The following SMARCA5 variants were observed in gnomAD, a reference collection of about 807,000 sequenced individuals.
The protein encoded by SMARCA5 is SNF2 related chromatin remodeling ATPase 5.
A neutral mutation model predicts 140.4 loss-of-function variants in SMARCA5; 18 were observed. The observed-to-expected ratio is 0.13, with a 90% CI of 0.09 to 0.19. The LOEUF (loss-of-function observed/expected upper bound fraction) is 0.19. SMARCA5 is among the 10% of genes least tolerant of loss of function. SMARCA5 has a pLI of 1.00. For missense variants in SMARCA5, 606 were observed against 1,276.8 expected (o/e 0.47, Z 8.01); for synonymous variants, 449 against 419.6 (o/e 1.07, Z -0.86).
chr4:143,515,769 A>G, intron 1 of SMARCA5, among the ~76,000 whole-genome samples: 1 of 152,180 alleles, frequency 6.6e-6, no homozygotes, highest in Admixed American at 6.5e-5. Flanking sequence ...TCTACTAGGT[A>G]GAACCTGTAA....
Position 143,544,739 on chromosome 4 carries a change from T to A in SMARCA5, c.2175T>A (p.Ile725=). The A allele has an allele frequency of 6.3e-7, 1 of 1,579,914 alleles. No individual in the cohort carries two copies. The change falls in exon 17 of 24, where the codon ATT becomes ATA. Residue 725 remains isoleucine (I), a splice_region_variant and synonymous_variant. Coordinates refer to ENST00000283131, the MANE Select transcript of SMARCA5 (RefSeq NM_003601.4). Reference sequence around the variant, plus strand: ...TTGAGTTGTTTCCCATGTGCTAGATTGCATTCACAGAGTGGATTGAACCAC... The same window carrying A: ...TTGAGTTGTTTCCCATGTGCTAGATAGCATTCACAGAGTGGATTGAACCAC... ...EGEDYREKQK[I]AFTEWIEPPK... is the part of the protein sequence containing the mutation.
chr4:143,516,952 T>C (rs1440341750), intron 1 of SMARCA5, among the ~76,000 whole-genome samples: 1 of 152,240 alleles, frequency 6.6e-6, no homozygotes, highest in African/African-American at 2.4e-5. Flanking sequence ...TTTGTAGACA[T>C]TTGTGTGGTA....
At chr4:143,526,757 G>C (rs1277869796) in intron 6 of SMARCA5, among the ~76,000 whole-genome samples, 2 of 151,990 alleles carry the variant, frequency 1.3e-5, no homozygotes, top group Non-Finnish European at 2.9e-5. Context: ...CCAGCTACTT[G>C]GTAGGCTGAG....
chr4:143,550,332 T>C (rs1026216093), intron 23 of SMARCA5, among the ~76,000 whole-genome samples: 3 of 151,620 alleles, frequency 2.0e-5, no homozygotes, highest in African/African-American at 7.3e-5. Context: ...TTAGTTGTTA[T>C]GAGTAAGTAT....
Position 143,534,837 on chromosome 4 carries a change from ATT to A in SMARCA5, c.1159-14_1159-13del, listed in dbSNP as rs1230811850. On this transcript the variant is annotated splice_polypyrimidine_tract_variant and intron_variant, in intron 9 of 23. Transcript: ENST00000283131. ...TGTGTAATATTGGTATTACCTGTTT[ATT>A]TTTGTCCTTTTTAAGGTTTTGCGTC... 6.3e-7 allele frequency: 1 copy of A among 1,581,512 alleles called. No homozygotes were observed. Among genetic ancestry groups the A allele is most frequent in the Non-Finnish European group, 8.6e-7 (1 of 1,156,490 alleles).
At chr4:143,529,556 TTAATAG>T (rs1451314331) in intron 8 of SMARCA5, among the ~76,000 whole-genome samples, 1 of 152,206 alleles carries the variant, frequency 6.6e-6, no homozygotes, top group Non-Finnish European at 1.5e-5. Context: ...ATTTGAACTG[TTAATAG>T]TAATATAATA....
chr4:143,534,170 CAT>C (rs761570798), intron 9 of SMARCA5, among the ~76,000 whole-genome samples: 6 of 151,378 alleles, frequency 4.0e-5, no homozygotes, highest in Non-Finnish European at 5.9e-5. Flanking sequence ...TTTTTTTAGA[CAT>C]AATGCTATTG....
At chr4:143,525,254 CTTGATT>C (rs1414468228) in intron 4 of SMARCA5, among the ~76,000 whole-genome samples, 191 bp from the exon 5 acceptor site, 1 of 152,176 alleles carries the variant, frequency 6.6e-6, no homozygotes, top group African/African-American at 2.4e-5. Context: ...GTTTCCCGCA[CTTGATT>C]ATCTTCCATG....
intron 20 of SMARCA5, 134 bp downstream of exon 20, chr4:143,547,042 AT>A: frequency 1.2e-6 from 1 of 838,926 alleles, no homozygotes; most frequent in East Asian, 2.8e-5. Flanking sequence ...TTTTTTACAA[AT>A]TAGAAAATGT....
chr4:143,536,741 G>A (rs1033205401), intron 11 of SMARCA5, 63 bp downstream of exon 11: 6 of 1,151,546 alleles, frequency 5.2e-6, no homozygotes, highest in African/African-American at 4.6e-5. Flanking sequence ...AAACAAAGGA[G>A]CACTGTACTT....
At position 143,517,375 on chromosome 4, in the gene SMARCA5, A is replaced by G. The variant is rs752509952; in HGVS notation, c.198A>G (p.Ser66=). ...AEMEEIFDDA[S]PGKQKEIQEP... ...ACCAGGAAATATTTGATGATGCGTC[A>G]CCTGGAAAGCAAAAGGAAATCCAAG... Residue 66 remains serine, a synonymous_variant, in exon 2 of 24, where the codon TCA becomes TCG. Coordinates refer to ENST00000283131, the MANE Select transcript of SMARCA5 (RefSeq NM_003601.4). 1.9e-6 allele frequency: 3 copies of G among 1,609,550 alleles called. No homozygotes were observed. Among genetic ancestry groups the G allele is most frequent in the Non-Finnish European group, 2.5e-6 (3 of 1,177,542 alleles).
chr4:143,543,483 C>T (rs748594500), intron 14 of SMARCA5, 26 bp from the exon 15 acceptor site: 15 of 1,603,668 alleles, frequency 9.4e-6, no homozygotes, highest in Non-Finnish European at 1.3e-5. Flanking sequence ...GTTCAGTTAA[C>T]ATTATACAAC....
chr4:143,536,427 A>G, intron 10 of SMARCA5, 25 bp from the exon 11 acceptor site: 1 of 1,520,090 alleles, frequency 6.6e-7, no homozygotes, highest in Non-Finnish European at 9.1e-7. Context: ...TTTGAGCTCT[A>G]AAAATGTTTT....
Position 143,544,720 on chromosome 4 carries a change from T to C in SMARCA5, c.2173-17T>C. 2 of 1,410,774 alleles carry C rather than the reference T, an allele frequency of 1.4e-6. No individual in the cohort carries two copies. The highest frequency in any genetic ancestry group is 2.0e-6 in the Non-Finnish European group (2 of 1,007,964). 87.4% of individuals were successfully genotyped at this position (1,410,774 alleles called of 1,614,324 possible). ...TATAATAAAAGTTGGTGATTTGAGT[T>C]GTTTCCCATGTGCTAGATTGCATTC... On this transcript the variant is annotated splice_polypyrimidine_tract_variant and intron_variant, in intron 16 of 23. Coordinates refer to ENST00000283131, the MANE Select transcript of SMARCA5 (RefSeq NM_003601.4).
At chr4:143,518,791 CTG>C (rs979548739) in intron 2 of SMARCA5, among the ~76,000 whole-genome samples, 12 of 151,960 alleles carry the variant, frequency 7.9e-5, no homozygotes, top group African/African-American at 2.9e-4. Flanking sequence ...ATTTGCCGCT[CTG>C]TTTTTTTAAA....
At chr4:143,552,896 G>T (rs529701925) in intron 23 of SMARCA5, among the ~76,000 whole-genome samples, 65 of 150,522 alleles carry the variant, frequency 4.3e-4, no homozygotes, top group Non-Finnish European at 7.9e-4. Context: ...GTTTTATAAC[G>T]TCATTATTAA....
Position 143,555,067 on chromosome 4 carries a change from G to T in SMARCA5, c.*1883G>T. On this transcript the variant is annotated 3_prime_UTR_variant, in exon 24 of 24. Coordinates refer to ENST00000283131, the MANE Select transcript of SMARCA5 (RefSeq NM_003601.4). The stretch of plus-strand genomic sequence containing the variant: ...GGCTTTCCTCTCCCGCTAAGCTTTT[G>T]TTTCCTGGCAGTAATTAAAATCTTC... 1.0e-5 allele frequency: 6 copies of T among 586,124 alleles called. No individual in the cohort carries two copies. The highest frequency in any genetic ancestry group is 1.9e-5 in the Non-Finnish European group (6 of 312,996). 36.3% of individuals were successfully genotyped at this position (586,124 alleles called of 1,614,324 possible).
In SMARCA5 at chr4:143,524,481, A is replaced by G. The variant is rs779140409; in HGVS notation, c.520+14A>G. On this transcript the variant is annotated intron_variant, in intron 4 of 23. Transcript: ENST00000283131. ...ACTCTCCATCGTGTATGTTAAACAC[A>G]CTTGATTTTTTTAAAAAATTGCCCT... 7 of 1,565,490 alleles carry G rather than the reference A, an allele frequency of 4.5e-6. No individual in the cohort carries two copies. Among genetic ancestry groups the G allele is most frequent in the African/African-American group, 2.7e-5 (2 of 73,374 alleles).
intron 1 of SMARCA5, chr4:143,514,372 A>T: frequency 2.4e-6 from 1 of 415,334 alleles, no homozygotes; most frequent in South Asian, 4.3e-5. Flanking sequence ...CAGTGAACAG[A>T]TGTTCTTGGT....
Sources: allele counts gnomAD v4.1 joint callset (sites outside exome capture counted in the v4.1 genomes callset), GRCh38; gene constraint gnomAD v4.1.1; transcripts MANE v1.5; gene names NCBI Gene and HGNC (gene_info 2026-07-23, HGNC 2026-07-21).